CEP126: variants seen among roughly 807,000 people sequenced by gnomAD.
CEP126 encodes the protein centrosomal protein 126.
CEP126 carries 74 observed loss-of-function variants against 107.8 expected under a neutral mutation model. The ratio of observed to expected loss-of-function variants is 0.69; its 90% CI spans 0.57 to 0.83. The LOEUF (loss-of-function observed/expected upper bound fraction) is 0.83, where lower values mean the gene tolerates loss of function less well. Ranked by LOEUF, CEP126 falls within the 40% of genes least tolerant of loss-of-function variation. The pLI is 0.00. For missense variants in CEP126, 1,237 were observed against 1,281.9 expected (o/e 0.96, Z 0.53); for synonymous variants, 449 against 446.0 (o/e 1.01, Z -0.08).
chr11:101,962,144 T>C lies in CEP126; in HGVS notation c.1109T>C (p.Phe370Ser), dbSNP rs768830068. ...ATNTANNSVP[F>S]VSSPPMFVLD... ...AATACTGCTAATAATTCAGTACCCT[T>C]TGTATCTAGCCCACCCATGTTTGTA... The change falls in exon 6 of 11, where the codon TTT becomes TCT. Residue 370 changes from phenylalanine to serine, a missense_variant. Transcript: ENST00000263468. 18 of 1,613,012 alleles carry C rather than the reference T, an allele frequency of 1.1e-5. No homozygotes were observed. In the Admixed American group the frequency reaches 2.8e-4, roughly 25 times the overall value.
intron 3 of CEP126, among the ~76,000 whole-genome samples, chr11:101,946,238 G>A (rs1171941738): frequency 6.6e-6 from 1 of 152,128 alleles, no homozygotes; most frequent in Non-Finnish European, 1.5e-5. Flanking sequence ...AGCCGAGGTG[G>A]CTTATGCCTG....
In CEP126 at chr11:101,963,732, C is replaced by A. The variant is rs1339519232; in HGVS notation, c.2697C>A (p.Ala899=). 1 of 1,613,868 alleles carries A rather than the reference C, an allele frequency of 6.2e-7. No homozygotes were observed. Among genetic ancestry groups the A allele is most frequent in the African/African-American group, 1.3e-5 (1 of 74,860 alleles). ...INHSNGTQAV[A]RQDATLYCTQ... ...ATTCAAATGGCACTCAAGCAGTTGC[C>A]CGGCAAGATGCGACATTATATTGCA... Residue 899 remains alanine (A), a synonymous_variant, in exon 6 of 11, where the codon GCC becomes GCA. Coordinates refer to ENST00000263468, the MANE Select transcript of CEP126 (RefSeq NM_020802.4).
intron 5 of CEP126, among the ~76,000 whole-genome samples, chr11:101,961,293 T>C (rs1227269390): frequency 1.3e-5 from 2 of 152,046 alleles, no homozygotes; most frequent in African/African-American, 4.8e-5. Context: ...ATGTAGCCCC[T>C]ACTAACAGGA....
At chr11:101,922,567 A>G in intron 1 of CEP126, 74 bp from the exon 2 acceptor site, 1 of 1,141,898 alleles carries the variant, frequency 8.8e-7, no homozygotes, top group East Asian at 2.4e-5. Flanking sequence ...GGCTGTAGTT[A>G]TATTTATCAT....
chr11:101,971,452 CA>C (rs1941127808), intron 6 of CEP126, among the ~76,000 whole-genome samples: 1 of 152,158 alleles, frequency 6.6e-6, no homozygotes, highest in Admixed American at 6.5e-5. Context: ...ACTGGCAAAT[CA>C]AAACCAGTTA....
At chr11:101,996,355 T>C (rs117731501) in intron 10 of CEP126, among the ~76,000 whole-genome samples, 3,250 of 152,348 alleles carry the variant, frequency 0.021, 35 homozygotes, top group African/African-American at 0.029. Flanking sequence ...GCCTGCTCAG[T>C]CATCCTTTCT....
At position 101,961,192 on chromosome 11, in the gene CEP126, T is replaced by C. The variant is rs543756801; in HGVS notation, c.706-549T>C. Among the ~76,000 whole-genome samples the C allele has an allele frequency of 3.3e-5, 5 of 152,140 alleles. No homozygotes were observed. The South Asian group carries it at 1.0e-3, about 32-fold the overall frequency. On this transcript the variant is annotated intron_variant, in intron 5 of 10. Coordinates refer to ENST00000263468, the MANE Select transcript of CEP126 (RefSeq NM_020802.4). ...GTATTAAATCAGCAGGACCCAGGTA[T>C]AGATATTTTACACAGTTCTTTATGT... is the stretch of plus-strand genomic sequence containing the variant.
chr11:101,995,999 G>A (rs1391493132), intron 10 of CEP126, among the ~76,000 whole-genome samples: 1 of 152,216 alleles, frequency 6.6e-6, no homozygotes, highest in Non-Finnish European at 1.5e-5. Context: ...CACAAAAGAA[G>A]AAGGCAGAAG....
chr11:101,966,040 A>G (rs1385298645), intron 6 of CEP126, among the ~76,000 whole-genome samples: 1 of 152,174 alleles, frequency 6.6e-6, no homozygotes, highest in Non-Finnish European at 1.5e-5. Flanking sequence ...AATGGGATAC[A>G]TTTTATCTGG....
chr11:101,943,804 C>G (rs115444708), intron 2 of CEP126, among the ~76,000 whole-genome samples: 4 of 152,146 alleles, frequency 2.6e-5, no homozygotes, highest in African/African-American at 9.6e-5. Flanking sequence ...GAATTTTTAG[C>G]ACAGTTCCAA....
intron 6 of CEP126, among the ~76,000 whole-genome samples, chr11:101,968,028 TTAAA>T (rs1374544978): frequency 2.6e-5 from 4 of 152,226 alleles, no homozygotes; most frequent in Non-Finnish European, 4.4e-5. Context: ...AAAAATATTT[TTAAA>T]TAAAACAATT....
chr11:101,980,008 G>A (rs894110913), intron 7 of CEP126, among the ~76,000 whole-genome samples: 1 of 152,006 alleles, frequency 6.6e-6, no homozygotes, highest in Admixed American at 6.6e-5. Context: ...CTGGTTGAAG[G>A]TGCTATAATT....
At chr11:101,965,520 TACA>T (rs1941047889) in intron 6 of CEP126, among the ~76,000 whole-genome samples, 1 of 152,198 alleles carries the variant, frequency 6.6e-6, no homozygotes. Context: ...ATTACTTGTC[TACA>T]AAAATCTAGA....
chr11:101,973,019 A>G (rs1941151383), intron 6 of CEP126, among the ~76,000 whole-genome samples: 1 of 152,184 alleles, frequency 6.6e-6, no homozygotes, highest in African/African-American at 2.4e-5. Flanking sequence ...AATCACATTC[A>G]ATTATATGAA....
chr11:101,921,473 G>A (rs999623142), intron 1 of CEP126, among the ~76,000 whole-genome samples: 1 of 152,004 alleles, frequency 6.6e-6, no homozygotes, highest in Non-Finnish European at 1.5e-5. Flanking sequence ...ATGGGAGGCC[G>A]AGGCAGGTGG....
intron 1 of CEP126, 111 bp downstream of exon 1, chr11:101,915,523 C>T: frequency 7.6e-7 from 1 of 1,323,910 alleles, no homozygotes; most frequent in Non-Finnish European, 1.0e-6. Flanking sequence ...ACTAGCAAGT[C>T]ATCTTAGTGC....
At chr11:101,919,623 T>A (rs1454143765) in intron 1 of CEP126, among the ~76,000 whole-genome samples, 2 of 152,174 alleles carry the variant, frequency 1.3e-5, no homozygotes, top group African/African-American at 4.8e-5. Flanking sequence ...GCAGGATTCT[T>A]TATATTAATA....
chr11:101,992,670 AT>A (rs948440280), intron 9 of CEP126, 107 bp from the exon 10 acceptor site: 1 of 656,880 alleles, frequency 1.5e-6, no homozygotes, highest in Non-Finnish European at 2.4e-6. Flanking sequence ...GTCTTACTCA[AT>A]TTTGAATATT....
intron 1 of CEP126, among the ~76,000 whole-genome samples, chr11:101,920,470 A>T (rs1940305767): frequency 6.6e-6 from 1 of 151,886 alleles, no homozygotes; most frequent in Admixed American, 6.6e-5. Flanking sequence ...CTTAGCGTAA[A>T]AAGTTTTTAA....
Sources: allele counts gnomAD v4.1 joint callset (sites outside exome capture counted in the v4.1 genomes callset), GRCh38; gene constraint gnomAD v4.1.1; transcripts MANE v1.5; gene names NCBI Gene and HGNC (gene_info 2026-07-23, HGNC 2026-07-21).